The following HTT variants were observed in gnomAD, a reference collection of about 807,000 sequenced individuals.
HTT encodes the protein huntington disease protein.
A neutral mutation model predicts 362.3 loss-of-function variants in HTT; 104 were observed. That is an observed-to-expected ratio of 0.29 (90% CI 0.24 to 0.34). The LOEUF (loss-of-function observed/expected upper bound fraction) is 0.34. Among genes scored for constraint, HTT ranks in the 10% least tolerant of loss-of-function variants. HTT has a pLI of 1.00. For missense variants in HTT, 3,301 were observed against 3,928.6 expected, an observed-to-expected ratio of 0.84 and a Z score of 4.27; for synonymous variants, 1,577 against 1,548.7, an observed-to-expected ratio of 1.02 and a Z score of -0.43.
At chr4:3,239,081 C>A in intron 66 of HTT, 103 bp downstream of exon 66, 2 of 1,228,454 alleles carry the variant, frequency 1.6e-6, no homozygotes, top group Middle Eastern at 1.9e-4. Flanking sequence ...AAAAACCCCA[C>A]AGATGCCAGG....
At chr4:3,219,263 C>G (rs1720565734) in intron 52 of HTT, among the ~76,000 whole-genome samples, 2 of 152,186 alleles carry the variant, frequency 1.3e-5, no homozygotes, top group African/African-American at 4.8e-5. Flanking sequence ...GAGACAGTAA[C>G]TGCTCCTTTG....
intron 6 of HTT, among the ~76,000 whole-genome samples, chr4:3,110,114 C>A (rs184719283): frequency 6.6e-6 from 1 of 152,308 alleles, no homozygotes; most frequent in East Asian, 1.9e-4. Flanking sequence ...TTTCCTCAGA[C>A]CCTGGTTCCT....
chr4:3,178,391 A>G lies in HTT; in HGVS notation c.4557A>G (p.Lys1519=). 6.2e-7 allele frequency: 1 copy of G among 1,613,798 alleles called. No individual in the cohort carries two copies. The highest frequency in any genetic ancestry group is 8.5e-7 in the Non-Finnish European group (1 of 1,179,720). The part of the protein sequence containing the change: ...YHSKQIIGIP[K]IIQLCDGIMA... The stretch of plus-strand genomic sequence containing the variant: ...CAAAACAGATCATTGGAATTCCTAA[A>G]ATCATTCAGCTCTGTGATGGCATCA... The change falls in exon 35 of 67, where the codon AAA becomes AAG. Residue 1519 remains lysine, a synonymous_variant. Coordinates refer to ENST00000355072, the MANE Select transcript of HTT (RefSeq NM_001388492.1).
At chr4:3,210,452 G>C (rs890434355) in intron 47 of HTT, among the ~76,000 whole-genome samples, 1 of 152,168 alleles carries the variant, frequency 6.6e-6, no homozygotes, top group Non-Finnish European at 1.5e-5. Context: ...GAGACCCTTG[G>C]ATGCAGCGAG....
chr4:3,096,316 C>T (rs375942793), intron 2 of HTT, among the ~76,000 whole-genome samples: 40 of 152,308 alleles, frequency 2.6e-4, no homozygotes, highest in African/African-American at 8.9e-4. Flanking sequence ...TTGTAGAACA[C>T]GTAGCCATAA....
chr4:3,179,545 G>C (rs1389538639), intron 35 of HTT, among the ~76,000 whole-genome samples: 1 of 152,076 alleles, frequency 6.6e-6, no homozygotes, highest in Non-Finnish European at 1.5e-5. Flanking sequence ...GTGTCAAAGA[G>C]GGTTGCATTG....
chr4:3,082,500 G>A (rs1052094536), intron 1 of HTT, among the ~76,000 whole-genome samples: 4 of 152,212 alleles, frequency 2.6e-5, no homozygotes, highest in Admixed American at 6.5e-5. Flanking sequence ...GACATGATAT[G>A]TCCATAGGTC....
chr4:3,114,948 G>A (rs1714943881), intron 6 of HTT, among the ~76,000 whole-genome samples: 1 of 152,182 alleles, frequency 6.6e-6, no homozygotes, highest in Admixed American at 6.5e-5. Context: ...ATTTACTGCA[G>A]TTGGCTAGTA....
chr4:3,112,169 CACA>C (rs1254871709), intron 6 of HTT, among the ~76,000 whole-genome samples: 6 of 152,194 alleles, frequency 3.9e-5, no homozygotes, highest in Non-Finnish European at 8.8e-5. Flanking sequence ...AGCAGAGCTT[CACA>C]AGTTCAATCC....
Position 3,238,843 on chromosome 4 carries a change from G to C in HTT, c.9080G>C (p.Gly3027Ala). The C allele has an allele frequency of 6.2e-7, 1 of 1,612,026 alleles. No homozygotes were observed. The stretch of plus-strand genomic sequence containing the variant: ...GTGTTTCAGACTCTGCACAGCACCG[G>C]GCAGTCGTCCATGGTCCGGGACTGG... ...YKVFQTLHST[G>A]QSSMVRDWVM... Residue 3027 changes from glycine to alanine, a missense_variant, in exon 66 of 67, where the codon GGG (glycine) becomes GCG (alanine). By Grantham distance (60) the Gly-to-Ala change is moderately conservative. Around this residue, in one of 4 missense-constraint regions of HTT, gnomAD observed 753 missense variants for 1,021.3 expected, o/e 0.74. Transcript: ENST00000355072.
chr4:3,187,295 A>T (rs922470738), intron 38 of HTT, among the ~76,000 whole-genome samples: 8 of 151,690 alleles, frequency 5.3e-5, no homozygotes, highest in African/African-American at 1.9e-4. Flanking sequence ...AGCTGGGACT[A>T]CAGGTGCGTG....
chr4:3,235,600 C>T lies in HTT; in HGVS notation c.8607C>T (p.Ser2869=). 6.2e-7 allele frequency: 1 copy of T among 1,613,836 alleles called. No individual in the cohort carries two copies. Among genetic ancestry groups the T allele is most frequent in the Non-Finnish European group, 8.5e-7 (1 of 1,180,008 alleles). Residue 2869 remains serine (S), a synonymous_variant, in exon 63 of 67, where the codon TCC becomes TCT. Transcript: ENST00000355072. ...TGATGCTGTCTGGAAGTGAGGAGTC[C>T]ACCCCCTCCATCATTTACCACTGTG... is the stretch of plus-strand genomic sequence containing the variant. ...CGVMLSGSEE[S]TPSIIYHCAL... is the part of the protein sequence containing the mutation.
intron 29 of HTT, among the ~76,000 whole-genome samples, chr4:3,166,019 T>G (rs2110224187): frequency 6.6e-6 from 1 of 152,350 alleles, no homozygotes; most frequent in South Asian, 2.1e-4. Context: ...TCAGCCTTTC[T>G]GCTATGGTTT....
rs1258527798 is a variant in HTT, at chr4:3,187,761, C to T, written c.5100C>T (p.Ser1700=). ...TTCTTTCTCGTATTCAGGAGCTCTC[C>T]TTCTCTCCGTATTTAATCTCCTGTA... is the stretch of plus-strand genomic sequence containing the variant. ...DIVLSRIQEL[S]FSPYLISCTV... is the part of the protein sequence containing the mutation. Residue 1700 remains serine (S), a synonymous_variant, in exon 39 of 67, where the codon TCC becomes TCT. Transcript: ENST00000355072. 1.2e-6 allele frequency: 2 copies of T among 1,613,406 alleles called. No homozygotes were observed. The highest frequency in any genetic ancestry group is 3.3e-5 in the Admixed American group (2 of 60,016).
At chr4:3,092,020 T>C (rs977231709) in intron 2 of HTT, among the ~76,000 whole-genome samples, 2 of 152,112 alleles carry the variant, frequency 1.3e-5, no homozygotes, top group African/African-American at 4.8e-5. Context: ...ATTTAAGATA[T>C]ATTTATTTAT....
At chr4:3,239,567 G>A (rs1212596805) in intron 66 of HTT, among the ~76,000 whole-genome samples, 3 of 152,232 alleles carry the variant, frequency 2.0e-5, no homozygotes, top group South Asian at 2.1e-4. Flanking sequence ...GGAGGCCAGC[G>A]GAAGCACCGG....
chr4:3,125,688 C>A, intron 11 of HTT, 59 bp downstream of exon 11: 4 of 1,250,602 alleles, frequency 3.2e-6, no homozygotes, highest in Non-Finnish European at 4.7e-6. Context: ...CCACCCCTTG[C>A]CCTTCCTGCT....
intron 40 of HTT, among the ~76,000 whole-genome samples, chr4:3,198,001 G>A (rs1248354614): frequency 2.0e-5 from 3 of 152,158 alleles, no homozygotes; most frequent in Non-Finnish European, 4.4e-5. Context: ...TGCTGACCAG[G>A]AAGCAAGTGT....
intron 54 of HTT, 52 bp from the exon 55 acceptor site, chr4:3,223,354 G>A (rs1213384729): frequency 6.6e-7 from 1 of 1,507,076 alleles, no homozygotes; most frequent in Non-Finnish European, 8.9e-7. Context: ...TGCAGGCAGA[G>A]GTGGTTGTGG....
Sources: allele counts gnomAD v4.1 joint callset (sites outside exome capture counted in the v4.1 genomes callset), GRCh38; gene constraint gnomAD v4.1.1; regional missense constraint gnomAD v4.1.1; transcripts MANE v1.5; gene names NCBI Gene and HGNC (gene_info 2026-07-23, HGNC 2026-07-21).